MAGEC1: variants seen among roughly 807,000 people sequenced by gnomAD.
The protein encoded by MAGEC1 is MAGE family member C1.
A neutral mutation model predicts 1.5 loss-of-function variants in MAGEC1; 3 were observed. That is an observed-to-expected ratio of 1.97 (90% CI 0.90 to 5.10). The LOEUF is 5.10. MAGEC1 is among the 30% of genes most tolerant of loss of function. MAGEC1 has a pLI of 0.02. For missense variants in MAGEC1, 985 were observed against 803.1 expected (o/e 1.23, Z -2.74); for synonymous variants, 357 against 310.4 (o/e 1.15, Z -1.58).
At position 141,906,092 on chromosome X, in the gene MAGEC1, CA is replaced by C. The variant is rs1411420852; in HGVS notation, c.689del (p.Gln230ArgfsTer8). The part of the protein sequence containing the change: ...RTQSTFEGFA[Q>X]SPLQIPVSPS... ...TCAGAGTACTTTTGAGGGTTTTGCCCAGTCTCCTCTCCAGATTCCTGTGAGC... is the reference window on the plus strand; with the variant it reads ...TCAGAGTACTTTTGAGGGTTTTGCCCGTCTCCTCTCCAGATTCCTGTGAGC... On this transcript the variant is annotated frameshift_variant, in exon 4 of 4. Transcript: ENST00000285879. LOFTEE classifies it low-confidence loss of function (END_TRUNC). 1 of 1,094,274 alleles carries C rather than the reference CA, an allele frequency of 9.1e-7. No individual in the cohort carries two copies. Among genetic ancestry groups the C allele is most frequent in the East Asian group, 3.1e-5 (1 of 32,293 alleles). The allele number at this position is 1,094,274 out of a possible 1,213,427, so 90.2% of individuals were successfully genotyped here.
intron 3 of MAGEC1, 144 bp downstream of exon 3, chrX:141,905,220 C>A: frequency 9.8e-7 from 1 of 1,016,294 alleles, no homozygotes; most frequent in South Asian, 2.0e-5. Context: ...CTTCCACGCC[C>A]CAGCTTTGAG....
chrX:141,907,752 TCTC>T lies in MAGEC1; in HGVS notation c.2351_2353del (p.Ser784del), dbSNP rs771046684. On this transcript the variant is annotated inframe_deletion, in exon 4 of 4. Coordinates refer to ENST00000285879, the MANE Select transcript of MAGEC1 (RefSeq NM_005462.5). ...CTCCAGAGACCTGTCAGCTCCTTCT[TCTC>T]CTACACTTTAGCGAGTCTTCTCCAA... The T allele has an allele frequency of 4.8e-5, 57 of 1,196,658 alleles. No individual in the cohort carries two copies. The highest frequency in any genetic ancestry group is 3.6e-5 in the South Asian group (2 of 55,939).
rs772220933 is a variant in MAGEC1, at chrX:141,907,997, A to T, written c.2593A>T (p.Ser865Cys). Residue 865 changes from serine (S) to cysteine (C), a missense_variant, in exon 4 of 4, where the codon AGC becomes TGC. Ser to Cys is a moderately radical substitution (Grantham distance 112, BLOSUM62 -1). Coordinates refer to ENST00000285879, the MANE Select transcript of MAGEC1 (RefSeq NM_005462.5). ...VISFSSSTSL[S>C]PFSEESSSPV... ...CTCCTTCTCCTCCTCCACTTCATTG[A>T]GCCCATTCAGTGAAGAGTCCAGCAG... 12 of 1,211,618 alleles carry T rather than the reference A, an allele frequency of 9.9e-6. No homozygotes were observed. Among genetic ancestry groups the T allele is most frequent in the Admixed American group, 8.7e-5 (4 of 46,021 alleles).
At chrX:141,904,474 G>A (rs2018164434) in intron 1 of MAGEC1, among the ~76,000 whole-genome samples, 1 of 111,343 alleles carries the variant, frequency 9.0e-6, no homozygotes, top group Non-Finnish European at 1.9e-5. Context: ...GACCGCCCCC[G>A]TGGTAGAGTG....
At position 141,907,784 on chromosome X, in the gene MAGEC1, T is replaced by C; in HGVS notation, c.2380T>C (p.Ser794Pro). 1 of 1,207,865 alleles carries C rather than the reference T, an allele frequency of 8.3e-7. No homozygotes were observed. The highest frequency in any genetic ancestry group is 1.1e-6 in the Non-Finnish European group (1 of 894,250). ...CACTTTAGCGAGTCTTCTCCAAAGTTCCCATGAGAGTCCTCAGAGTCCTCC... is the reference window on the plus strand; with the variant it reads ...CACTTTAGCGAGTCTTCTCCAAAGTCCCCATGAGAGTCCTCAGAGTCCTCC... ...SYTLASLLQSSHESPQSPPEG... is the reference protein window; with the variant it reads ...SYTLASLLQSPHESPQSPPEG... The change falls in exon 4 of 4, where the codon TCC becomes CCC. Residue 794 changes from serine to proline, a missense_variant. Coordinates refer to ENST00000285879, the MANE Select transcript of MAGEC1 (RefSeq NM_005462.5).
In MAGEC1 at chrX:141,908,763, C is replaced by T. The variant is rs748861324; in HGVS notation, c.3359C>T (p.Thr1120Ile). Residue 1120 changes from threonine to isoleucine, a missense_variant, in exon 4 of 4, where the codon ACC becomes ATC. Coordinates refer to ENST00000285879, the MANE Select transcript of MAGEC1 (RefSeq NM_005462.5). ...VEERAQAIID[T>I]TDDSTATESA... ...GAGAGAGCCCAGGCCATAATTGACACCACAGATGATTCGACTGCCACAGAA... is the reference window on the plus strand; with the variant it reads ...GAGAGAGCCCAGGCCATAATTGACATCACAGATGATTCGACTGCCACAGAA... 24 of 1,208,666 alleles carry T rather than the reference C, an allele frequency of 2.0e-5. No individual in the cohort carries two copies. In the Admixed American group the frequency reaches 3.7e-4, roughly 19 times the overall value.
At position 141,907,407 on chromosome X, in the gene MAGEC1, A is replaced by G; in HGVS notation, c.2003A>G (p.Glu668Gly). 1 of 1,198,296 alleles carries G rather than the reference A, an allele frequency of 8.3e-7. No homozygotes were observed. The highest frequency in any genetic ancestry group is 1.1e-6 in the Non-Finnish European group (1 of 890,501). ...SPLHSPQSPP[E>G]GMHSQSPLQS... The stretch of plus-strand genomic sequence containing the variant: ...CTCCATAGTCCTCAGAGCCCTCCTG[A>G]GGGGATGCACTCCCAATCTCCTCTC... Residue 668 changes from glutamate to glycine, a missense_variant, in exon 4 of 4, where the codon GAG (glutamate) becomes GGG (glycine). Transcript: ENST00000285879.
rs773789570 is a variant in MAGEC1 at position 141,907,767 on chromosome X, C to T, written c.2363C>T (p.Ala788Val). The T allele has an allele frequency of 9.1e-6, 11 of 1,205,127 alleles. No individual in the cohort carries two copies. The highest frequency in any genetic ancestry group is 2.2e-5 in the Admixed American group (1 of 45,418). Reference sequence around the variant, plus strand: ...AGCTCCTTCTTCTCCTACACTTTAGCGAGTCTTCTCCAAAGTTCCCATGAG... The same window carrying T: ...AGCTCCTTCTTCTCCTACACTTTAGTGAGTCTTCTCCAAAGTTCCCATGAG... Reference protein sequence around the residue: ...PVSSFFSYTLASLLQSSHESP... With the variant: ...PVSSFFSYTLVSLLQSSHESP... Residue 788 changes from alanine (A) to valine (V), a missense_variant, in exon 4 of 4, where the codon GCG (alanine) becomes GTG (valine). Coordinates refer to ENST00000285879, the MANE Select transcript of MAGEC1 (RefSeq NM_005462.5).
chrX:141,905,158 C>A, intron 3 of MAGEC1, 82 bp downstream of exon 3: 1 of 1,125,492 alleles, frequency 8.9e-7, no homozygotes, highest in Non-Finnish European at 1.2e-6. Context: ...TTCGTGTTCA[C>A]ACGTTTACCT....
In MAGEC1 at chrX:141,906,335, T is replaced by C. The variant is rs752067423; in HGVS notation, c.931T>C (p.Ser311Pro). The change falls in exon 4 of 4, where the codon TCC becomes CCC. Residue 311 changes from serine (S) to proline (P), a missense_variant. Ser to Pro is a moderately conservative substitution (Grantham distance 74, BLOSUM62 -1). Coordinates refer to ENST00000285879, the MANE Select transcript of MAGEC1 (RefSeq NM_005462.5). The part of the protein sequence containing the change: ...SPLQIPVSSS[S>P]SSTLLSLFQS... ...TCTCCAGATTCCTGTGAGCTCCTCC[T>C]CCTCCTCCACTTTATTGAGTCTTTT... is the stretch of plus-strand genomic sequence containing the variant. 1.8e-6 allele frequency: 2 copies of C among 1,105,546 alleles called. No individual in the cohort carries two copies. The highest frequency in any genetic ancestry group is 2.5e-6 in the Non-Finnish European group (2 of 810,296). 91.1% of individuals were successfully genotyped at this position (1,105,546 alleles called of 1,213,427 possible).
chrX:141,907,980 C>T lies in MAGEC1; in HGVS notation c.2576C>T (p.Ser859Phe), dbSNP rs781101047. ...SPLQSPVISF[S>F]SSTSLSPFSE... ...CTCCAGAGTCCTGTGATCTCCTTCTCCTCCTCCACTTCATTGAGCCCATTC... is the reference window on the plus strand; with the variant it reads ...CTCCAGAGTCCTGTGATCTCCTTCTTCTCCTCCACTTCATTGAGCCCATTC... The change falls in exon 4 of 4, where the codon TCC becomes TTC. Residue 859 changes from serine (S) to phenylalanine (F), a missense_variant. Transcript: ENST00000285879. The T allele has an allele frequency of 6.6e-6, 8 of 1,210,173 alleles. No homozygotes were observed. Among genetic ancestry groups the T allele is most frequent in the African/African-American group, 5.2e-5 (3 of 57,224 alleles).
Position 141,904,983 on chromosome X carries a change from A to C in MAGEC1, c.-90A>C. ...GTCCTTCTACAGGTTCCCAGAAGAC[A>C]AACCCCCTAGGAAGACAGGCGACCT... is the stretch of plus-strand genomic sequence containing the variant. On this transcript the variant is annotated 5_prime_UTR_variant, in exon 3 of 4. Transcript: ENST00000285879. 8.4e-7 allele frequency: 1 copy of C among 1,193,386 alleles called. No individual in the cohort carries two copies.
chrX:141,905,255 A>C (rs997019326), intron 3 of MAGEC1, among the ~76,000 whole-genome samples, 154 bp from the exon 4 acceptor site: 14 of 112,373 alleles, frequency 1.2e-4, no homozygotes, highest in African/African-American at 3.9e-4. Flanking sequence ...GGCAATTTTC[A>C]TACTGGAGTT....
chrX:141,905,844 CCCCTG>C lies in MAGEC1; in HGVS notation c.441_445del (p.Pro148GlufsTer7). On this transcript the variant is annotated frameshift_variant, in exon 4 of 4. Transcript: ENST00000285879. LOFTEE classifies it low-confidence loss of function (END_TRUNC). ...GCTTTATTGAGTATTTTCCAGAGTTCCCCTGAGAGTACTCAAAGTCCTTTTGAGGG... is the reference window on the plus strand; with the variant it reads ...GCTTTATTGAGTATTTTCCAGAGTTCAGAGTACTCAAAGTCCTTTTGAGGG... 2 of 1,203,716 alleles carry C rather than the reference CCCCTG, an allele frequency of 1.7e-6. No homozygotes were observed. The highest frequency in any genetic ancestry group is 2.2e-5 in the Admixed American group (1 of 45,442).
chrX:141,908,648 A>T lies in MAGEC1; in HGVS notation c.3244A>T (p.Arg1082Trp), dbSNP rs1282052737. Residue 1082 changes from arginine to tryptophan, a missense_variant, in exon 4 of 4, where the codon AGG becomes TGG. Transcript: ENST00000285879. ...AAGAGCTCATTCAGAAGTCATTAAG[A>T]GGAAAGTAGTAGAGTTTTTGGCCAT... Reference protein sequence around the residue: ...GPRAHSEVIKRKVVEFLAMLK... With the variant: ...GPRAHSEVIKWKVVEFLAMLK... The T allele has an allele frequency of 3.3e-6, 4 of 1,211,701 alleles. No homozygotes were observed. The highest frequency in any genetic ancestry group is 2.3e-4 in the Middle Eastern group (1 of 4,352).
Position 141,906,995 on chromosome X carries a change from C to T in MAGEC1, c.1591C>T (p.Gln531Ter), listed in dbSNP as rs1426354657. 1 of 1,211,966 alleles carries T rather than the reference C, an allele frequency of 8.3e-7. No homozygotes were observed. The highest frequency in any genetic ancestry group is 1.1e-6 in the Non-Finnish European group (1 of 895,485). ...AGGGGAGAATACCCATTCTCCTCTC[C>T]AGATTGTTCCAAGTCTTCCTGAGTG... ...PEGENTHSPL[Q>*]IVPSLPEWED... The change falls in exon 4 of 4, where the codon CAG becomes TAG. Residue 531 changes from glutamine to a stop codon, truncating the protein, a stop_gained. Coordinates refer to ENST00000285879, the MANE Select transcript of MAGEC1 (RefSeq NM_005462.5). LOFTEE classifies it low-confidence loss of function (END_TRUNC).
Position 141,905,871 on chromosome X carries a change from AGGG to A in MAGEC1, c.468_470del (p.Glu156_Gly157delinsAsp). The A allele has an allele frequency of 8.3e-7, 1 of 1,200,084 alleles. No individual in the cohort carries two copies. Among genetic ancestry groups the A allele is most frequent in the East Asian group, 3.0e-5 (1 of 33,385 alleles). ...CCTGAGAGTACTCAAAGTCCTTTTG[AGGG>A]TTTTCCCCAGTCTGTTCTCCAGATT... On this transcript the variant is annotated inframe_deletion, in exon 4 of 4. Coordinates refer to ENST00000285879, the MANE Select transcript of MAGEC1 (RefSeq NM_005462.5).
rs1926946607 is a variant in MAGEC1 at position 141,907,007 on chromosome X, A to G, written c.1603A>G (p.Ser535Gly). ...CCATTCTCCTCTCCAGATTGTTCCA[A>G]GTCTTCCTGAGTGGGAGGACTCCCT... ...NTHSPLQIVP[S>G]LPEWEDSLSP... The change falls in exon 4 of 4, where the codon AGT (serine) becomes GGT (glycine). Residue 535 changes from serine (S) to glycine (G), a missense_variant. Transcript: ENST00000285879. The G allele has an allele frequency of 8.3e-7, 1 of 1,211,491 alleles. No homozygotes were observed. Among genetic ancestry groups the G allele is most frequent in the Admixed American group, 2.2e-5 (1 of 46,064 alleles).
At chrX:141,904,238 G>T (rs2018162584) in intron 1 of MAGEC1, among the ~76,000 whole-genome samples, 1 of 111,772 alleles carries the variant, frequency 8.9e-6, no homozygotes, top group Admixed American at 9.4e-5. Context: ...CCTCAAATCA[G>T]CCCCCATAGA....
Sources: gnomAD v4.1 joint callset for allele counts (sites outside exome capture counted in the v4.1 genomes callset) on GRCh38, gnomAD v4.1.1 for gene constraint, MANE v1.5 for transcripts, NCBI Gene and HGNC (gene_info 2026-07-23, HGNC 2026-07-21) for gene names.